Variants in ZC2HC1B observed in about 807,000 individuals in gnomAD.
ZC2HC1B encodes zinc finger C2HC domain-containing protein 1B.
ZC2HC1B carries 36 observed loss-of-function variants against 31.0 expected under a neutral mutation model. The observed-to-expected ratio is 1.16, with a 90% CI of 0.89 to 1.54. The LOEUF is 1.54. Among genes scored for constraint, ZC2HC1B ranks in the 40% most tolerant of loss-of-function variants. ZC2HC1B has a pLI of 0.00. For synonymous variants in ZC2HC1B, 73 were observed against 88.0 expected (o/e 0.83, Z 0.95); for missense variants, 260 against 268.6 (o/e 0.97, Z 0.22).
At chr6:143,936,585 G>C (rs1017463264) in intron 6 of ZC2HC1B, among the ~76,000 whole-genome samples, 1 of 152,294 alleles carries the variant, frequency 6.6e-6, no homozygotes, top group East Asian at 1.9e-4. Context: ...GGAGGCTTTT[G>C]TTATATGAAT....
intron 6 of ZC2HC1B, among the ~76,000 whole-genome samples, chr6:143,926,664 G>C (rs550967103): frequency 6.6e-6 from 1 of 151,812 alleles, no homozygotes; most frequent in Admixed American, 6.6e-5. Context: ...ATGTTCCTTT[G>C]ATGATTTTCT....
chr6:143,895,804 C>T lies in ZC2HC1B; in HGVS notation c.350-2748C>T, dbSNP rs183288708. 6.6e-6 allele frequency among the ~76,000 whole-genome samples: 1 copy of T among 152,320 alleles called. No homozygotes were observed. Among genetic ancestry groups the T allele is most frequent in the African/African-American group, 2.4e-5 (1 of 41,590 alleles). On this transcript the variant is annotated intron_variant, in intron 4 of 7. Coordinates refer to ENST00000237275, the MANE Select transcript of ZC2HC1B (RefSeq NM_001013623.3). This position sits in a 1 kb window ranked among gnomAD's most constrained non-coding sequence, Gnocchi z 4.8. ...TTTTAAAATAATGCTTGGTTTTCCA[C>T]TTTTCTCTGAGATCTGGCCACCATA...
chr6:143,903,403 T>C lies in ZC2HC1B; in HGVS notation c.598+251T>C, dbSNP rs914079486. Among the ~76,000 whole-genome samples, 5 of 152,224 alleles carry C rather than the reference T, an allele frequency of 3.3e-5. No homozygotes were observed. The highest frequency in any genetic ancestry group is 2.6e-4 in the Admixed American group (4 of 15,278). ...GCAATGGGAGTCTAAACCATTGTTC[T>C]CCGGTCTAGTAAAATTGAAGAGATT... On this transcript the variant is annotated intron_variant, in intron 6 of 7. Coordinates refer to ENST00000237275, the MANE Select transcript of ZC2HC1B (RefSeq NM_001013623.3). This position sits in a 1 kb window ranked among gnomAD's most constrained non-coding sequence, Gnocchi z 4.3.
rs1251050770 is a variant in ZC2HC1B, at chr6:143,868,608, C to T, written c.28+4041C>T. 2.0e-5 allele frequency among the ~76,000 whole-genome samples: 3 copies of T among 152,164 alleles called. No individual in the cohort carries two copies. Among genetic ancestry groups the T allele is most frequent in the African/African-American group, 7.2e-5 (3 of 41,432 alleles). On this transcript the variant is annotated intron_variant, in intron 1 of 7. Transcript: ENST00000237275. This position sits in a 1 kb window ranked among gnomAD's most constrained non-coding sequence, Gnocchi z 4.2. ...TCTGGTAACACCCTCTCAGACACAC[C>T]CAGGATCAATAACTTTGCATCCTTC...
At chr6:143,926,903 C>T (rs1354655054) in intron 6 of ZC2HC1B, among the ~76,000 whole-genome samples, 5 of 143,018 alleles carry the variant, frequency 3.5e-5, no homozygotes, top group African/African-American at 8.0e-5. Context: ...CTCCGCTTCC[C>T]GGGTTCACGC....
At chr6:143,893,348 TG>T (rs1311248574) in intron 4 of ZC2HC1B, among the ~76,000 whole-genome samples, 13 of 152,230 alleles carry the variant, frequency 8.5e-5, no homozygotes, top group African/African-American at 3.1e-4. Context: ...GCGGATCCCT[TG>T]AGGCCGGGAG....
At position 143,867,995 on chromosome 6, in the gene ZC2HC1B, CTT is replaced by C. The variant is rs149737678; in HGVS notation, c.28+3429_28+3430del. ...TGGATGTCTGGAAATATATTCTACT[CTT>C]ATGTTGGATTGACAGCTTGACTGAA... On this transcript the variant is annotated intron_variant, in intron 1 of 7. Transcript: ENST00000237275. 5.5e-3 allele frequency among the ~76,000 whole-genome samples: 838 copies of C among 152,264 alleles called. 8 individuals carry two copies. The highest frequency in any genetic ancestry group is 0.019 in the African/African-American group (791 of 41,542).
rs536629897 is a variant in ZC2HC1B, at chr6:143,930,515, G to A, written c.599-7134G>A. Among the ~76,000 whole-genome samples the A allele has an allele frequency of 4.0e-4, 60 of 151,800 alleles. 1 individual carries two copies. Among genetic ancestry groups the A allele is most frequent in the African/African-American group, 1.4e-3 (60 of 41,422 alleles). The stretch of plus-strand genomic sequence containing the variant: ...CATTCTCCTGCCTCAGCCTCTCCGA[G>A]TAGCTGGGACTACAGGCGCCCGCCA... On this transcript the variant is annotated intron_variant, in intron 6 of 7. Coordinates refer to ENST00000237275, the MANE Select transcript of ZC2HC1B (RefSeq NM_001013623.3).
In ZC2HC1B at chr6:143,886,882, C is replaced by T. The variant is rs1280890227; in HGVS notation, c.349+61C>T. 5 of 1,364,756 alleles carry T rather than the reference C, an allele frequency of 3.7e-6. No individual in the cohort carries two copies. The allele number at this position is 1,364,756 out of a possible 1,614,324, so 84.5% of individuals were successfully genotyped here. On this transcript the variant is annotated intron_variant, in intron 4 of 7. Coordinates refer to ENST00000237275, the MANE Select transcript of ZC2HC1B (RefSeq NM_001013623.3). The surrounding 1 kb of genome is among the most constrained non-coding windows in gnomAD (Gnocchi z 4.2). ...CTTGACTTTTGACCAAATCATCATGCCCTCTATGCACTCTGAAATTGACAA... is the reference window on the plus strand; with the variant it reads ...CTTGACTTTTGACCAAATCATCATGTCCTCTATGCACTCTGAAATTGACAA...
At position 143,877,953 on chromosome 6, in the gene ZC2HC1B, C is replaced by T. The variant is rs796873482; in HGVS notation, c.29-6351C>T. 5.3e-4 allele frequency among the ~76,000 whole-genome samples: 80 copies of T among 150,850 alleles called. 3 individuals are homozygous for T. Among genetic ancestry groups the T allele is most frequent in the African/African-American group, 1.8e-3 (72 of 40,982 alleles). On this transcript the variant is annotated intron_variant, in intron 1 of 7. Coordinates refer to ENST00000237275, the MANE Select transcript of ZC2HC1B (RefSeq NM_001013623.3). ...TGTGGATATTCTCTGCTTTCAGTATCACTATTCATGAAATTAATCACTAGA... is the reference window on the plus strand; with the variant it reads ...TGTGGATATTCTCTGCTTTCAGTATTACTATTCATGAAATTAATCACTAGA...
At chr6:143,906,139 C>T (rs1297916964) in intron 6 of ZC2HC1B, among the ~76,000 whole-genome samples, 4 of 152,210 alleles carry the variant, frequency 2.6e-5, no homozygotes, top group East Asian at 1.9e-4. Flanking sequence ...TGGTGGAATT[C>T]GCCAGTGAAG....
In ZC2HC1B at chr6:143,883,990, T is replaced by C. The variant is rs1426238906; in HGVS notation, c.29-314T>C. 6.6e-6 allele frequency among the ~76,000 whole-genome samples: 1 copy of C among 152,220 alleles called. No homozygotes were observed. Among genetic ancestry groups the C allele is most frequent in the Non-Finnish European group, 1.5e-5 (1 of 68,028 alleles). ...AATACCACCTTATACTAAGGTATTT[T>C]TTTGCTTATGTCTCAAGCAAAGTTA... is the stretch of plus-strand genomic sequence containing the variant. On this transcript the variant is annotated intron_variant, in intron 1 of 7. Transcript: ENST00000237275. This position sits in a 1 kb window ranked among gnomAD's most constrained non-coding sequence, Gnocchi z 4.1.
intron 1 of ZC2HC1B, among the ~76,000 whole-genome samples, chr6:143,878,022 C>T (rs1183337110): frequency 6.6e-6 from 1 of 150,706 alleles, no homozygotes; most frequent in Non-Finnish European, 1.5e-5. Context: ...GACATGCATA[C>T]ATATATAGCT....
At chr6:143,927,297 G>A (rs376997900) in intron 6 of ZC2HC1B, among the ~76,000 whole-genome samples, 31 of 151,906 alleles carry the variant, frequency 2.0e-4, no homozygotes, top group East Asian at 1.7e-3. Context: ...TCCCTTACCC[G>A]CCTCCCACCT....
rs1040885202 is a variant in ZC2HC1B at position 143,929,342 on chromosome 6, A to G, written c.599-8307A>G. Among the ~76,000 whole-genome samples, 6 of 152,106 alleles carry G rather than the reference A, an allele frequency of 3.9e-5. No homozygotes were observed. In the East Asian group the frequency reaches 9.6e-4, roughly 24 times the overall value. ...TTTTCTAATCTATTGAGATGATAAT[A>G]TGGTTTTTGTTTTTCATTCACTTGA... On this transcript the variant is annotated intron_variant, in intron 6 of 7. Transcript: ENST00000237275.
At chr6:143,937,796 TG>T (rs1012566305) in intron 7 of ZC2HC1B, 63 bp downstream of exon 7, 1 of 1,260,366 alleles carries the variant, frequency 7.9e-7, no homozygotes, top group Non-Finnish European at 1.1e-6. Flanking sequence ...TTTAAGAGAA[TG>T]GATGCATAGT....
rs1053842875 is a variant in ZC2HC1B, at chr6:143,886,801, C to G, written c.329C>G (p.Pro110Arg). Residue 110 changes from proline (P) to arginine (R), a missense_variant, in exon 4 of 8, where the codon CCC becomes CGC. Transcript: ENST00000237275. The surrounding 1 kb of genome is among the most constrained non-coding windows in gnomAD (Gnocchi z 4.2). ...IKEGRPLPPPPPPSLNPDYIQ... is the reference protein window; with the variant it reads ...IKEGRPLPPPRPPSLNPDYIQ... ...GAAGGCCGACCCCTCCCACCTCCAC[C>G]CCCTCCATCCTTGAACCCAGGTGTG... The G allele has an allele frequency of 1.3e-6, 2 of 1,536,832 alleles. No homozygotes were observed. The highest frequency in any genetic ancestry group is 1.8e-6 in the Non-Finnish European group (2 of 1,140,570).
chr6:143,894,464 T>A (rs1197657800), intron 4 of ZC2HC1B, among the ~76,000 whole-genome samples: 5 of 152,208 alleles, frequency 3.3e-5, no homozygotes, highest in African/African-American at 9.6e-5. Context: ...CATTTAGTTG[T>A]GTGTAAATTA....
At chr6:143,888,832 C>A (rs1777563532) in intron 4 of ZC2HC1B, among the ~76,000 whole-genome samples, 2 of 151,848 alleles carry the variant, frequency 1.3e-5, no homozygotes, top group South Asian at 4.2e-4. Context: ...ATTATGTCAC[C>A]TGAAACAGAG....
Sources: allele counts gnomAD v4.1 joint callset (sites outside exome capture counted in the v4.1 genomes callset), GRCh38; gene constraint gnomAD v4.1.1; non-coding constraint Gnocchi (gnomAD v3.1); transcripts MANE v1.5; gene names NCBI Gene and HGNC (gene_info 2026-07-23, HGNC 2026-07-21).